CFAP20DC: variants seen among roughly 807,000 people sequenced by gnomAD.
CFAP20DC encodes the protein CFAP20 domain containing.
A neutral mutation model predicts 101.7 loss-of-function variants in CFAP20DC; 84 were observed. The ratio of observed to expected loss-of-function variants is 0.83; its 90% CI spans 0.69 to 0.99. CFAP20DC has a LOEUF of 0.99. Among genes scored for constraint, CFAP20DC ranks in the 50% least tolerant of loss-of-function variants. CFAP20DC has a pLI of 0.00. For synonymous variants in CFAP20DC, 359 were observed against 351.2 expected, an observed-to-expected ratio of 1.02 and a Z score of -0.25; for missense variants, 1,007 against 970.3, an observed-to-expected ratio of 1.04 and a Z score of -0.50.
At chr3:58,879,951 T>G (rs1416262988) in intron 7 of CFAP20DC, among the ~76,000 whole-genome samples, 1 of 151,914 alleles carries the variant, frequency 6.6e-6, no homozygotes, top group Non-Finnish European at 1.5e-5. Context: ...ATTCTCGATT[T>G]CCTTCTTATT....
chr3:58,852,326 C>A (rs2078325224), intron 12 of CFAP20DC, among the ~76,000 whole-genome samples: 1 of 151,930 alleles, frequency 6.6e-6, no homozygotes, highest in South Asian at 2.1e-4. Context: ...CAGGAGCACC[C>A]AGATTCATAA....
At chr3:58,802,484 C>T (rs955733195) in intron 15 of CFAP20DC, among the ~76,000 whole-genome samples, 1 of 152,174 alleles carries the variant, frequency 6.6e-6, no homozygotes, top group African/African-American at 2.4e-5. Context: ...GAGGCAAGGG[C>T]CCCAGCATCT....
At chr3:58,949,735 T>G (rs2089861426) in intron 4 of CFAP20DC, among the ~76,000 whole-genome samples, 1 of 152,102 alleles carries the variant, frequency 6.6e-6, no homozygotes, top group South Asian at 2.1e-4. Flanking sequence ...TGCTAAAAAC[T>G]CTCAATAAAA....
chr3:58,731,732 C>T (rs569161442), intron 3 of CFAP20DC, among the ~76,000 whole-genome samples: 4 of 152,186 alleles, frequency 2.6e-5, no homozygotes, highest in East Asian at 1.9e-4. Flanking sequence ...TTTAAGTATG[C>T]GGTACAGCAG....
intron 4 of CFAP20DC, among the ~76,000 whole-genome samples, chr3:58,940,155 A>G (rs7640616): frequency 1.3e-5 from 2 of 152,252 alleles, no homozygotes; most frequent in Non-Finnish European, 2.9e-5. Flanking sequence ...TGGAACTACA[A>G]GAACATTCAT....
At chr3:58,862,252 C>T (rs970347105) in intron 12 of CFAP20DC, 5 of 985,194 alleles carry the variant, frequency 5.1e-6, no homozygotes, top group Non-Finnish European at 6.0e-6. Flanking sequence ...CTATTCTATT[C>T]ATAAAATGAA....
intron 14 of CFAP20DC, among the ~76,000 whole-genome samples, chr3:58,822,451 G>T (rs545400022): frequency 1.3e-5 from 2 of 150,808 alleles, no homozygotes; most frequent in East Asian, 2.0e-4. Context: ...GTGGTGGGAG[G>T]GGGAAGGGAT....
intron 15 of CFAP20DC, among the ~76,000 whole-genome samples, chr3:58,801,056 A>AGAGAGAGAG: frequency 6.6e-6 from 1 of 151,706 alleles, no homozygotes; most frequent in African/African-American, 2.4e-5. Context: ...TAAGTGAGAG[A>AGAGAGAGAG]GAGAGAGAGA....
intron 5 of CFAP20DC, among the ~76,000 whole-genome samples, chr3:58,924,882 G>T (rs760332487): frequency 6.6e-6 from 1 of 151,990 alleles, no homozygotes; most frequent in Non-Finnish European, 1.5e-5. Context: ...CTTCTTTTGA[G>T]AAGTGCCTGT....
At chr3:59,026,621 G>T (rs1210454053) in intron 4 of CFAP20DC, among the ~76,000 whole-genome samples, 1 of 152,120 alleles carries the variant, frequency 6.6e-6, no homozygotes, top group East Asian at 1.9e-4. Context: ...CTTTAAAGAG[G>T]CTGAGGAAGA....
At chr3:58,843,090 C>G (rs545108488) in intron 13 of CFAP20DC, among the ~76,000 whole-genome samples, 1 of 152,202 alleles carries the variant, frequency 6.6e-6, no homozygotes, top group Non-Finnish European at 1.5e-5. Context: ...ACTGGAAACT[C>G]TAAAACGCAG....
chr3:58,897,983 G>A lies in CFAP20DC; in HGVS notation c.551-13274C>T, dbSNP rs543171547. ...TATCCTGAAATATGTTTTCCAACTTGGTTCCATCTCCCGGTCTCTTTCAGG... is the reference window on the plus strand; with the variant it reads ...TATCCTGAAATATGTTTTCCAACTTAGTTCCATCTCCCGGTCTCTTTCAGG... On this transcript the variant is annotated intron_variant, in intron 6 of 16. Coordinates refer to ENST00000482387, the MANE Select transcript of CFAP20DC (RefSeq NM_001394063.1). This position sits in a 1 kb window ranked among gnomAD's most constrained non-coding sequence, Gnocchi z 4.4. Among the ~76,000 whole-genome samples, 3 of 152,198 alleles carry A rather than the reference G, an allele frequency of 2.0e-5. No homozygotes were observed. Among genetic ancestry groups the A allele is most frequent in the Non-Finnish European group, 4.4e-5 (3 of 68,012 alleles).
chr3:59,030,902 C>T (rs59813408), intron 4 of CFAP20DC, among the ~76,000 whole-genome samples: 28,218 of 152,130 alleles, frequency 0.19, 2,680 homozygotes, highest in Non-Finnish European at 0.2. Context: ...CGGCTCACTG[C>T]AAGCTCCGCC....
chr3:59,031,869 A>G (rs1033234382), intron 4 of CFAP20DC, among the ~76,000 whole-genome samples: 24 of 152,138 alleles, frequency 1.6e-4, no homozygotes, highest in African/African-American at 5.3e-4. Context: ...TTACTTAGTA[A>G]AAGTAGTATA....
At chr3:58,866,303 G>A (rs1373825111) in intron 11 of CFAP20DC, among the ~76,000 whole-genome samples, 1 of 152,184 alleles carries the variant, frequency 6.6e-6, no homozygotes, top group Non-Finnish European at 1.5e-5. Context: ...TTTGGGGAGG[G>A]TGACCATGCC....
intron 4 of CFAP20DC, among the ~76,000 whole-genome samples, chr3:59,011,861 C>A (rs1488155637): frequency 3.3e-5 from 5 of 152,148 alleles, no homozygotes; most frequent in Non-Finnish European, 7.3e-5. Flanking sequence ...TCACCAGCAG[C>A]ATTTCTTTCA....
chr3:58,976,846 T>C (rs1014646170), intron 4 of CFAP20DC, among the ~76,000 whole-genome samples: 1 of 152,108 alleles, frequency 6.6e-6, no homozygotes, highest in Non-Finnish European at 1.5e-5. Context: ...GTTCTGCCTG[T>C]GATGGGATGG....
chr3:58,857,025 T>G (rs1037977841), intron 12 of CFAP20DC, among the ~76,000 whole-genome samples: 3 of 152,120 alleles, frequency 2.0e-5, no homozygotes, highest in Non-Finnish European at 2.9e-5. Flanking sequence ...ATTAATGCAA[T>G]AGATGTTTAT....
At chr3:58,942,789 C>T (rs1163794811) in intron 4 of CFAP20DC, among the ~76,000 whole-genome samples, 5 of 152,206 alleles carry the variant, frequency 3.3e-5, no homozygotes, top group Non-Finnish European at 7.3e-5. Flanking sequence ...CAGTGGATCC[C>T]ACCCCCATGG....
Sources: allele counts gnomAD v4.1 joint callset (sites outside exome capture counted in the v4.1 genomes callset), GRCh38; gene constraint gnomAD v4.1.1; non-coding constraint Gnocchi (gnomAD v3.1); transcripts MANE v1.5; gene names NCBI Gene and HGNC (gene_info 2026-07-23, HGNC 2026-07-21).